Variants in BBS9 observed in about 807,000 individuals in gnomAD.
The protein encoded by BBS9 is Bardet-Biedl syndrome 9, also known as protein PTHB1.
In BBS9, 89 loss-of-function variants were observed where a neutral mutation model predicts 117.7. The observed-to-expected ratio is 0.76, with a 90% confidence interval of 0.64 to 0.90. The LOEUF is 0.90. BBS9 is among the 40% of genes least tolerant of loss of function. BBS9 has a pLI of 0.00. For missense variants in BBS9, 982 were observed against 1,042.2 expected, an observed-to-expected ratio of 0.94 and a Z score of 0.80; for synonymous variants, 379 against 370.9, an observed-to-expected ratio of 1.02 and a Z score of -0.25.
chr7:33,329,433 C>CA (rs1813523296), intron 9 of BBS9, among the ~76,000 whole-genome samples: 1 of 152,046 alleles, frequency 6.6e-6, no homozygotes, highest in Non-Finnish European at 1.5e-5. Context: ...ATGTTTTATA[C>CA]ATATATATTT....
At chr7:33,193,401 T>C (rs1233111673) in intron 5 of BBS9, among the ~76,000 whole-genome samples, 1 of 150,826 alleles carries the variant, frequency 6.6e-6, no homozygotes, top group African/African-American at 2.4e-5. Context: ...GCATATTGTC[T>C]TCCCCTGTCC....
intron 1 of BBS9, among the ~76,000 whole-genome samples, chr7:33,133,001 G>C (rs938804607): frequency 1.1e-4 from 17 of 151,982 alleles, no homozygotes; most frequent in African/African-American, 4.1e-4. Flanking sequence ...TGTTGCGCAG[G>C]CTGGTCCTGA....
chr7:33,567,429 C>T (rs1018710150), intron 21 of BBS9, among the ~76,000 whole-genome samples: 2 of 152,108 alleles, frequency 1.3e-5, no homozygotes, highest in Non-Finnish European at 2.9e-5. Context: ...GTATTTGGTG[C>T]TGCTGACGAT....
At chr7:33,158,566 T>A (rs1381241759) in intron 4 of BBS9, among the ~76,000 whole-genome samples, 2 of 152,168 alleles carry the variant, frequency 1.3e-5, no homozygotes, top group Non-Finnish European at 2.9e-5. Flanking sequence ...AATTTTAAAG[T>A]GCTATTACCT....
intron 19 of BBS9, among the ~76,000 whole-genome samples, chr7:33,428,966 C>A (rs1361268698): frequency 1.3e-5 from 2 of 152,016 alleles, no homozygotes; most frequent in Admixed American, 6.6e-5. Flanking sequence ...TGAAATGATT[C>A]TGTGGTCAAA....
At chr7:33,131,555 G>C (rs892873367) in intron 1 of BBS9, among the ~76,000 whole-genome samples, 5 of 152,090 alleles carry the variant, frequency 3.3e-5, no homozygotes, top group African/African-American at 7.2e-5. Context: ...TCTTAAATTT[G>C]GTGTGACACT....
intron 21 of BBS9, among the ~76,000 whole-genome samples, chr7:33,593,502 GA>G (rs5883409): frequency 0.41 from 62,196 of 151,910 alleles, 17,823 homozygotes; most frequent in African/African-American, 0.81. Flanking sequence ...AAATGTGTTA[GA>G]AAAAACAGAT....
chr7:33,478,642 A>G (rs1842113073), intron 19 of BBS9, among the ~76,000 whole-genome samples: 1 of 151,880 alleles, frequency 6.6e-6, no homozygotes, highest in African/African-American at 2.4e-5. Flanking sequence ...ACAATCAGGA[A>G]TATTTGTTAG....
intron 4 of BBS9, among the ~76,000 whole-genome samples, chr7:33,158,128 TCTTTA>T (rs939798223): frequency 2.3e-4 from 35 of 152,354 alleles, no homozygotes; most frequent in African/African-American, 8.4e-4. Flanking sequence ...AAGATGTGGT[TCTTTA>T]CTTTTGACAG....
chr7:33,311,337 A>G (rs886066133), intron 9 of BBS9, among the ~76,000 whole-genome samples: 1 of 152,164 alleles, frequency 6.6e-6, no homozygotes, highest in African/African-American at 2.4e-5. Flanking sequence ...TTTCTGATCA[A>G]GGGAATGATC....
rs994165402 is a variant in BBS9, at chr7:33,202,315, T to A, written c.442+24724T>A. Among the ~76,000 whole-genome samples, 9 of 152,332 alleles carry A rather than the reference T, an allele frequency of 5.9e-5. No homozygotes were observed. In the East Asian group the frequency reaches 9.6e-4, roughly 16 times the overall value. On this transcript the variant is annotated intron_variant, in intron 5 of 22. Transcript: ENST00000242067. ...ATAAAAACTGTGCTTGCCCATGAAC[T>A]TCTTCTATATGAGCATTTTAACCAG...
intron 21 of BBS9, among the ~76,000 whole-genome samples, chr7:33,554,138 G>A (rs1331947012): frequency 6.6e-6 from 1 of 152,012 alleles, no homozygotes; most frequent in Non-Finnish European, 1.5e-5. Flanking sequence ...ATCTTGATGA[G>A]GACAAATGGC....
intron 19 of BBS9, among the ~76,000 whole-genome samples, chr7:33,402,400 A>C (rs1443404410): frequency 6.6e-6 from 1 of 152,128 alleles, no homozygotes; most frequent in Non-Finnish European, 1.5e-5. Flanking sequence ...GTTGTAGTGT[A>C]CCATTTAAGG....
chr7:33,339,501 TG>T (rs1816077489), intron 10 of BBS9, among the ~76,000 whole-genome samples: 1 of 152,222 alleles, frequency 6.6e-6, no homozygotes, highest in African/African-American at 2.4e-5. Flanking sequence ...TGCAGTTTGG[TG>T]GGAATGCCTG....
chr7:33,620,813 G>A (rs369783850), intron 21 of BBS9, among the ~76,000 whole-genome samples: 61 of 152,216 alleles, frequency 4.0e-4, no homozygotes, highest in East Asian at 3.1e-3. Context: ...AAAGCTGGAG[G>A]CATCACACTA....
chr7:33,531,761 G>A (rs928747505), intron 20 of BBS9, among the ~76,000 whole-genome samples: 1 of 152,214 alleles, frequency 6.6e-6, no homozygotes, highest in Admixed American at 6.5e-5. Flanking sequence ...TGCGGGAATA[G>A]TTTTCTGTTG....
intron 20 of BBS9, among the ~76,000 whole-genome samples, chr7:33,521,590 T>C (rs952722820): frequency 2.6e-5 from 4 of 151,582 alleles, no homozygotes; most frequent in Non-Finnish European, 4.4e-5. Context: ...CATTTTATGA[T>C]GAGTTGAAAA....
chr7:33,451,238 G>A (rs768134929), intron 19 of BBS9, among the ~76,000 whole-genome samples: 24 of 152,206 alleles, frequency 1.6e-4, no homozygotes, highest in Non-Finnish European at 3.1e-4. Context: ...TTTGTTGCCT[G>A]TGCTTTTGGT....
intron 5 of BBS9, among the ~76,000 whole-genome samples, chr7:33,236,387 G>T (rs1583799857): frequency 1.3e-5 from 2 of 149,682 alleles, no homozygotes; most frequent in East Asian, 3.9e-4. Context: ...AAACAATTAC[G>T]ACTGTGGATG....
Sources: allele counts gnomAD v4.1 joint callset (sites outside exome capture counted in the v4.1 genomes callset), GRCh38; gene constraint gnomAD v4.1.1; transcripts MANE v1.5; gene names NCBI Gene and HGNC (gene_info 2026-07-23, HGNC 2026-07-21).